The following LRCH1 variants were observed in gnomAD, a reference collection of about 807,000 sequenced individuals.
The protein encoded by LRCH1 is leucine rich repeats and calponin homology domain containing 1.
A neutral mutation model predicts 94.9 loss-of-function variants in LRCH1; 23 were observed. That is an observed-to-expected ratio of 0.24 (90% CI 0.17 to 0.34). The LOEUF is 0.34. Among genes scored for constraint, LRCH1 ranks in the 10% least tolerant of loss-of-function variants. The pLI is 1.00. For missense variants in LRCH1, 790 were observed against 945.9 expected (o/e 0.84, Z 2.16); for synonymous variants, 364 against 354.9 (o/e 1.03, Z -0.29).
intron 3 of LRCH1, among the ~76,000 whole-genome samples, chr13:46,676,399 T>G (rs2051673966): frequency 6.6e-6 from 1 of 152,186 alleles, no homozygotes. Flanking sequence ...ATGTAGCAAA[T>G]GGACTTTCCT....
chr13:46,596,951 A>G (rs2050571032), intron 1 of LRCH1, among the ~76,000 whole-genome samples: 1 of 152,188 alleles, frequency 6.6e-6, no homozygotes, highest in Admixed American at 6.5e-5. Flanking sequence ...AGTTTCCCCC[A>G]GAAAGGTTTG....
At chr13:46,607,902 G>A (rs1366507852) in intron 1 of LRCH1, among the ~76,000 whole-genome samples, 1 of 152,118 alleles carries the variant, frequency 6.6e-6, no homozygotes, top group Non-Finnish European at 1.5e-5. Context: ...TAGTGGGGCT[G>A]TTCATCTCTA....
intron 1 of LRCH1, among the ~76,000 whole-genome samples, chr13:46,605,208 A>C (rs988715027): frequency 7.2e-5 from 11 of 152,216 alleles, no homozygotes; most frequent in African/African-American, 2.7e-4. Context: ...ACATGAAATC[A>C]CACATGTCTG....
At chr13:46,711,210 C>T (rs1240599882) in intron 13 of LRCH1, among the ~76,000 whole-genome samples, 1 of 152,166 alleles carries the variant, frequency 6.6e-6, no homozygotes, top group Non-Finnish European at 1.5e-5. Context: ...CCCAGTCATT[C>T]CTGCTGGAAA....
At chr13:46,573,866 A>ATATATATATATATATATATATATATTTT in intron 1 of LRCH1, among the ~76,000 whole-genome samples, 203 of 63,128 alleles carry the variant, frequency 3.2e-3, no homozygotes, top group Non-Finnish European at 5.0e-3. Context: ...ATATATATAT[A>ATATATATATATATATATATATATATTTT]TTTTTTTTTT....
At chr13:46,562,816 T>G (rs2050143866) in intron 1 of LRCH1, among the ~76,000 whole-genome samples, 1 of 152,164 alleles carries the variant, frequency 6.6e-6, no homozygotes, top group African/African-American at 2.4e-5. Flanking sequence ...CTGCACACAC[T>G]AGCTACACCT....
chr13:46,673,711 A>G lies in LRCH1; in HGVS notation c.579+4555A>G, dbSNP rs572763151. Among the ~76,000 whole-genome samples, 3 of 150,794 alleles carry G rather than the reference A, an allele frequency of 2.0e-5. 1 individual carries two copies. The South Asian group carries it at 6.3e-4, about 32-fold the overall frequency. ...ACTATTTTAGAAGAAATATTTTTAA[A>G]TTGTTCACATTAGACTCAGAGTATT... On this transcript the variant is annotated intron_variant, in intron 3 of 19. Coordinates refer to ENST00000389797, the MANE Select transcript of LRCH1 (RefSeq NM_001164211.2).
At chr13:46,735,341 G>T (rs1287773621) in intron 19 of LRCH1, among the ~76,000 whole-genome samples, 1 of 152,148 alleles carries the variant, frequency 6.6e-6, no homozygotes, top group Non-Finnish European at 1.5e-5. Flanking sequence ...TTTCCCATGT[G>T]TGAATCAAAA....
intron 17 of LRCH1, among the ~76,000 whole-genome samples, chr13:46,727,681 G>T (rs1202909493): frequency 6.6e-6 from 1 of 152,040 alleles, no homozygotes; most frequent in Admixed American, 6.6e-5. Context: ...TCCTTGTGCT[G>T]GTGGGAATGT....
chr13:46,599,962 G>A (rs1177860609), intron 1 of LRCH1, among the ~76,000 whole-genome samples: 1 of 152,218 alleles, frequency 6.6e-6, no homozygotes, highest in Non-Finnish European at 1.5e-5. Flanking sequence ...GCCATGTGCG[G>A]TGGCTCACGC....
intron 1 of LRCH1, among the ~76,000 whole-genome samples, chr13:46,613,603 C>A (rs114015045): frequency 6.6e-6 from 1 of 152,030 alleles, no homozygotes; most frequent in Non-Finnish European, 1.5e-5. Flanking sequence ...AGCCTGGTTG[C>A]GCATTAGAAT....
In LRCH1 at chr13:46,701,163, C is replaced by T. The variant is rs761088818; in HGVS notation, c.1356C>T (p.Ile452=). 7 of 1,613,614 alleles carry T rather than the reference C, an allele frequency of 4.3e-6. No homozygotes were observed. The highest frequency in any genetic ancestry group is 2.7e-5 in the African/African-American group (2 of 74,888). The change falls in exon 11 of 20, where the codon ATC becomes ATT. Residue 452 remains isoleucine (I), a synonymous_variant. Coordinates refer to ENST00000389797, the MANE Select transcript of LRCH1 (RefSeq NM_001164211.2). ...ATCAGGACATGGATATAGCAATGATCGAGCAGCTGAGAGAAGCAGTAGATT... is the reference window on the plus strand; with the variant it reads ...ATCAGGACATGGATATAGCAATGATTGAGCAGCTGAGAGAAGCAGTAGATT... ...SKDQDMDIAM[I]EQLREAVDLL...
At chr13:46,588,596 C>CTTTTTT (rs139602811) in intron 1 of LRCH1, among the ~76,000 whole-genome samples, 2 of 100,148 alleles carry the variant, frequency 2.0e-5, no homozygotes, top group Non-Finnish European at 2.0e-5. Flanking sequence ...CTCTCTCTGT[C>CTTTTTT]TTTTTTTTTT....
intron 1 of LRCH1, among the ~76,000 whole-genome samples, chr13:46,583,307 T>A (rs1466156026): frequency 6.6e-6 from 1 of 152,240 alleles, no homozygotes; most frequent in African/African-American, 2.4e-5. Flanking sequence ...TAAAGAAATA[T>A]AGCCCATGAG....
chr13:46,675,666 C>T (rs1334512898), intron 3 of LRCH1, among the ~76,000 whole-genome samples: 3 of 152,184 alleles, frequency 2.0e-5, no homozygotes, highest in Admixed American at 6.5e-5. Context: ...GTTCCAATCT[C>T]TGAGGGAGAT....
chr13:46,679,183 CCAA>C (rs1375190672), intron 3 of LRCH1, among the ~76,000 whole-genome samples: 1 of 152,196 alleles, frequency 6.6e-6, no homozygotes, highest in Non-Finnish European at 1.5e-5. Context: ...ATTTCTCCTG[CCAA>C]CAACATCACC....
In LRCH1 at chr13:46,741,625, G is replaced by A; in HGVS notation, c.2086-17G>A. 8.7e-6 allele frequency: 14 copies of A among 1,613,946 alleles called. No homozygotes were observed. The highest frequency in any genetic ancestry group is 1.1e-5 in the Non-Finnish European group (13 of 1,179,890). ...ATGCACTGTCTCTTTCTGTTCTAATGGCTGCCCTCGGAATAGGCTGACCTC... is the reference window on the plus strand; with the variant it reads ...ATGCACTGTCTCTTTCTGTTCTAATAGCTGCCCTCGGAATAGGCTGACCTC... On this transcript the variant is annotated splice_polypyrimidine_tract_variant and intron_variant, in intron 19 of 19. Transcript: ENST00000389797.
chr13:46,678,284 C>G (rs968662388), intron 3 of LRCH1, among the ~76,000 whole-genome samples: 1 of 152,186 alleles, frequency 6.6e-6, no homozygotes, highest in Non-Finnish European at 1.5e-5. Context: ...TCTCCTGTTT[C>G]TTTCTCCTTA....
chr13:46,590,632 T>A (rs1301645124), intron 1 of LRCH1, among the ~76,000 whole-genome samples: 1 of 151,962 alleles, frequency 6.6e-6, no homozygotes, highest in African/African-American at 2.4e-5. Flanking sequence ...AGCACTACAC[T>A]GCAGCCTGGA....
Sources: gnomAD v4.1 joint callset for allele counts (sites outside exome capture counted in the v4.1 genomes callset) on GRCh38, gnomAD v4.1.1 for gene constraint, MANE v1.5 for transcripts, NCBI Gene and HGNC (gene_info 2026-07-23, HGNC 2026-07-21) for gene names.